The following ADGRG5 variants were observed in gnomAD, a reference collection of about 807,000 sequenced individuals.
ADGRG5 encodes the protein adhesion G protein-coupled receptor G5.
In ADGRG5, 37 loss-of-function variants were observed where a neutral mutation model predicts 53.2. The ratio of observed to expected loss-of-function variants is 0.70; its 90% CI spans 0.53 to 0.91. ADGRG5 has a LOEUF of 0.91. Among genes scored for constraint, ADGRG5 ranks in the 40% least tolerant of loss-of-function variants. The pLI, the probability that ADGRG5 is intolerant of heterozygous loss-of-function variation, is 0.00. For missense variants in ADGRG5, 614 were observed against 675.8 expected (o/e 0.91, Z 1.01); for synonymous variants, 277 against 290.4 (o/e 0.95, Z 0.47).
rs1396058158 is a variant in ADGRG5 at position 57,565,298 on chromosome 16, GAGA to G, written c.546+151_546+153del. On this transcript the variant is annotated intron_variant, in intron 6 of 11. Transcript: ENST00000349457. ...ATTCCTGCTCAAGAAATAAGAGAGA[GAGA>G]AGTTTTTACTCATGCATTTGTCAGA... The G allele has an allele frequency of 2.1e-5, 14 of 655,656 alleles. No individual in the cohort carries two copies. In the Admixed American group the frequency reaches 2.5e-4, roughly 12 times the overall value. 40.6% of individuals were successfully genotyped at this position (655,656 alleles called of 1,614,324 possible). A position where few individuals can be genotyped will look rare whatever the true frequency, so the allele number is the denominator to read the frequency against.
chr16:57,565,449 A>G, intron 6 of ADGRG5: 1 of 426,068 alleles, frequency 2.3e-6, no homozygotes, highest in Non-Finnish European at 4.1e-6. Context: ...AGCTGGATCC[A>G]GGGATGGATC....
At chr16:57,564,823 G>A (rs561807522) in intron 5 of ADGRG5, among the ~76,000 whole-genome samples, 1 of 152,278 alleles carries the variant, frequency 6.6e-6, no homozygotes, top group South Asian at 2.1e-4. Context: ...GGAGCAGGGG[G>A]TGGTGAGAGG....
intron 1 of ADGRG5, among the ~76,000 whole-genome samples, chr16:57,549,216 GT>G (rs1303563942): frequency 6.6e-6 from 1 of 152,144 alleles, no homozygotes; most frequent in African/African-American, 2.4e-5. Context: ...TATTCAGAAC[GT>G]AAAGTTCGAA....
chr16:57,539,244 A>T (rs2032454539), upstream of ADGRG5, among the ~76,000 whole-genome samples: 1 of 152,220 alleles, frequency 6.6e-6, no homozygotes, highest in South Asian at 2.1e-4. Context: ...AGACTGTATG[A>T]TTCTACTAAG....
chr16:57,569,219 TCAC>T (rs1390265930), intron 9 of ADGRG5, among the ~76,000 whole-genome samples: 1 of 98,196 alleles, frequency 1.0e-5, no homozygotes, highest in Non-Finnish European at 2.1e-5. Flanking sequence ...TCCACTTCCT[TCAC>T]CACCACCATC....
chr16:57,537,917 A>G (rs764243232), upstream of ADGRG5, among the ~76,000 whole-genome samples: 2 of 146,976 alleles, frequency 1.4e-5, no homozygotes, highest in Non-Finnish European at 2.9e-5. Context: ...TCCACATTTT[A>G]CAGCTGAGGA....
chr16:57,554,575 A>G (rs1052837973), intron 1 of ADGRG5, among the ~76,000 whole-genome samples: 3 of 151,844 alleles, frequency 2.0e-5, no homozygotes, highest in Non-Finnish European at 4.4e-5. Flanking sequence ...ATGGGGTTTC[A>G]CCGTGTTAGC....
chr16:57,543,640 C>T (rs1479921196), intron 1 of ADGRG5, among the ~76,000 whole-genome samples: 1 of 152,080 alleles, frequency 6.6e-6, no homozygotes, highest in Non-Finnish European at 1.5e-5. Flanking sequence ...AGGCCAGGGG[C>T]AGGGGCTCCA....
intron 1 of ADGRG5, among the ~76,000 whole-genome samples, chr16:57,561,063 G>A (rs1473455431): frequency 6.6e-6 from 1 of 152,222 alleles, no homozygotes; most frequent in East Asian, 1.9e-4. Flanking sequence ...ACAGGCATGA[G>A]CCGCCATGCC....
chr16:57,565,330 C>T (rs778159751), intron 6 of ADGRG5, 180 bp downstream of exon 6: 12 of 617,036 alleles, frequency 1.9e-5, no homozygotes, highest in Non-Finnish European at 3.5e-5. Flanking sequence ...TGTCAGAATT[C>T]TTTCAGTTGC....
upstream of ADGRG5, among the ~76,000 whole-genome samples, chr16:57,537,780 C>A (rs1303171889): frequency 5.9e-5 from 9 of 152,154 alleles, no homozygotes; most frequent in Non-Finnish European, 1.5e-5. Flanking sequence ...GCAAGACTGG[C>A]AGTTTCACTT....
At chr16:57,546,724 G>A (rs2032628972) in intron 1 of ADGRG5, among the ~76,000 whole-genome samples, 1 of 152,028 alleles carries the variant, frequency 6.6e-6, no homozygotes, top group Non-Finnish European at 1.5e-5. Flanking sequence ...TTTGGTTTCT[G>A]TTTTTTGTTT....
chr16:57,573,968 C>T (rs1385980699), intron 10 of ADGRG5, among the ~76,000 whole-genome samples: 2 of 152,142 alleles, frequency 1.3e-5, no homozygotes, highest in African/African-American at 4.8e-5. Context: ...GTGATTCGCC[C>T]ACCTCGGCCT....
At chr16:57,536,218 C>T in the ADGRG5 span, among the ~76,000 whole-genome samples, 1 of 152,070 alleles carries the variant, frequency 6.6e-6, no homozygotes, top group Non-Finnish European at 1.5e-5. Flanking sequence ...CGCCCCCTCC[C>T]GTCCGGCCCG....
At chr16:57,534,400 C>T in the ADGRG5 span, among the ~76,000 whole-genome samples, 1 of 152,248 alleles carries the variant, frequency 6.6e-6, no homozygotes, top group Non-Finnish European at 1.5e-5. Flanking sequence ...ATCAGCCCTG[C>T]CCACAGAAAG....
intron 1 of ADGRG5, among the ~76,000 whole-genome samples, chr16:57,547,185 T>C (rs72791648): frequency 0.082 from 12,531 of 152,270 alleles, 696 homozygotes; most frequent in East Asian, 0.21. Flanking sequence ...TTTTTTTTGT[T>C]GTTGTCATGA....
At chr16:57,566,300 T>A (rs1205755385) in intron 6 of ADGRG5, 1 of 295,132 alleles carries the variant, frequency 3.4e-6, no homozygotes, top group African/African-American at 2.2e-5. Flanking sequence ...AGCTGGACAC[T>A]CAAGATTCCG....
At chr16:57,558,406 G>A (rs1292442778) in intron 1 of ADGRG5, among the ~76,000 whole-genome samples, 2 of 152,200 alleles carry the variant, frequency 1.3e-5, no homozygotes, top group South Asian at 2.1e-4. Flanking sequence ...TCCCCACTCC[G>A]CGCTCAGCAT....
chr16:57,575,176 T>A, intron 11 of ADGRG5, 84 bp downstream of exon 11: 4 of 1,460,636 alleles, frequency 2.7e-6, no homozygotes, highest in Non-Finnish European at 3.7e-6. Context: ...GGGGTTCAGG[T>A]GAAGGGGGCG....
Sources: allele counts gnomAD v4.1 joint callset (sites outside exome capture counted in the v4.1 genomes callset), GRCh38; gene constraint gnomAD v4.1.1; transcripts MANE v1.5; gene names NCBI Gene and HGNC (gene_info 2026-07-23, HGNC 2026-07-21).